Variants in MIIP observed in about 807,000 individuals in gnomAD.
MIIP encodes the protein migration and invasion inhibitory protein, also known as migration and invasion-inhibitory protein.
Under a neutral mutation model 44.8 loss-of-function variants are expected in MIIP, and 44 were observed. That is an observed-to-expected ratio of 0.98 (90% CI 0.77 to 1.26). The LOEUF is 1.26. Ranked by LOEUF, MIIP falls within the 50% of genes most tolerant of loss-of-function variation. The pLI, the probability that MIIP is intolerant of heterozygous loss-of-function variation, is 0.00. For synonymous variants in MIIP, 225 were observed against 218.3 expected, an observed-to-expected ratio of 1.03 and a Z score of -0.27; for missense variants, 496 against 511.7, an observed-to-expected ratio of 0.97 and a Z score of 0.30.
intron 3 of MIIP, 59 bp downstream of exon 3, chr1:12,022,501 C>T: frequency 7.4e-7 from 1 of 1,348,534 alleles, no homozygotes; most frequent in Non-Finnish European, 1.0e-6. Context: ...CCTCAGTTTC[C>T]CTATCTGACA....
intron 6 of MIIP, 92 bp downstream of exon 6, chr1:12,029,373 G>C: frequency 1.4e-6 from 2 of 1,394,892 alleles, no homozygotes; most frequent in Non-Finnish European, 2.0e-6. Flanking sequence ...TTGAGGTTTG[G>C]GGCCTGGGGA....
At chr1:12,022,772 C>G in intron 3 of MIIP, 61 bp from the exon 4 acceptor site, 1 of 1,305,348 alleles carries the variant, frequency 7.7e-7, no homozygotes, top group Non-Finnish European at 1.1e-6. Flanking sequence ...CCTCGAATTG[C>G]GGCTTCCTCT....
At chr1:12,031,583 C>T (rs1261071770) in intron 9 of MIIP, 139 bp from the exon 10 acceptor site, 9 of 1,604,566 alleles carry the variant, frequency 5.6e-6, no homozygotes, top group Non-Finnish European at 7.7e-6. Context: ...CCTCGGAACT[C>T]CTCTGCTCCC....
chr1:12,026,042 C>T (rs1022086374), intron 4 of MIIP, among the ~76,000 whole-genome samples: 2 of 151,748 alleles, frequency 1.3e-5, no homozygotes, highest in Admixed American at 1.3e-4. Context: ...TGGTGGCTCA[C>T]GCCTGTAATC....
At chr1:12,022,518 C>A in intron 3 of MIIP, 76 bp downstream of exon 3, 2 of 1,246,246 alleles carry the variant, frequency 1.6e-6, no homozygotes, top group Non-Finnish European at 2.2e-6. Context: ...GACACATGTG[C>A]TTGTGGGTAG....
rs143962307 is a variant in MIIP at position 12,022,233 on chromosome 1, C to T, written c.253C>T (p.Arg85Cys). The change falls in exon 3 of 10, where the codon CGT (arginine) becomes TGT (cysteine). Residue 85 changes from arginine (R) to cysteine (C), a missense_variant. By Grantham distance (180) the Arg-to-Cys change is radical. Transcript: ENST00000235332. ...GPPDACRGDL[R>C]DVARSGVASL... is the part of the protein sequence containing the mutation. ...ACCAGATGCCTGTCGAGGGGACCTC[C>T]GTGATGTGGCCAGATCGGGGGTGGC... 7.8e-5 allele frequency: 126 copies of T among 1,613,134 alleles called. No individual in the cohort carries two copies. The highest frequency in any genetic ancestry group is 4.9e-4 in the East Asian group (22 of 44,874).
Position 12,031,943 on chromosome 1 carries a change from C to G in MIIP, c.*135C>G. ...CCTAGGTTGGGCAGGTGGGTGGACC[C>G]AAGCTTGTCTGCTGCCTGAGTTCCA... On this transcript the variant is annotated 3_prime_UTR_variant, in exon 10 of 10. Transcript: ENST00000235332. 1.2e-6 allele frequency: 1 copy of G among 810,392 alleles called. No homozygotes were observed. Among genetic ancestry groups the G allele is most frequent in the Non-Finnish European group, 2.0e-6 (1 of 511,672 alleles). The allele number at this position is 810,392 out of a possible 1,614,324, so 50.2% of individuals were successfully genotyped here.
rs541318848 is a variant in MIIP at position 12,031,490 on chromosome 1, G to A, written c.1080+87G>A. The A allele has an allele frequency of 3.2e-5, 50 of 1,566,308 alleles. No individual in the cohort carries two copies. In the East Asian group the frequency reaches 9.5e-4, roughly 30 times the overall value. ...GGCCTGGGGACTGCAGAGCCTCCTG[G>A]GGGGTAGGATTGAGGTGGGGAGGAT... On this transcript the variant is annotated intron_variant, in intron 9 of 9. Transcript: ENST00000235332.
chr1:12,030,657 C>A (rs1452552972), intron 8 of MIIP, among the ~76,000 whole-genome samples: 1 of 141,098 alleles, frequency 7.1e-6, no homozygotes, highest in African/African-American at 2.7e-5. Flanking sequence ...CCACTGTAGT[C>A]CCAGCTACTT....
chr1:12,021,643 A>G lies in MIIP; in HGVS notation c.-82-2A>G. On this transcript the variant is annotated splice_acceptor_variant, in intron 1 of 9. Transcript: ENST00000235332. LOFTEE classifies it low-confidence loss of function (5UTR_SPLICE). The stretch of plus-strand genomic sequence containing the variant: ...CCCCGTGTCCTGCTGTCTTGACTTC[A>G]GGTAGAAGAGCTGGGCCTGGAACCC... 1 of 1,220,872 alleles carries G rather than the reference A, an allele frequency of 8.2e-7. No homozygotes were observed. Among genetic ancestry groups the G allele is most frequent in the Non-Finnish European group, 1.2e-6 (1 of 849,086 alleles). The allele number at this position is 1,220,872 out of a possible 1,614,324, so 75.6% of individuals were successfully genotyped here. A position where few individuals can be genotyped will look rare whatever the true frequency, so the allele number is the denominator to read the frequency against.
chr1:12,025,412 A>G (rs1205672256), intron 4 of MIIP, among the ~76,000 whole-genome samples: 1 of 151,830 alleles, frequency 6.6e-6, no homozygotes, highest in Non-Finnish European at 1.5e-5. Flanking sequence ...TGTAGATGCC[A>G]CATGTTGTTT....
At chr1:12,025,511 A>G (rs1202518563) in intron 4 of MIIP, among the ~76,000 whole-genome samples, 1 of 152,138 alleles carries the variant, frequency 6.6e-6, no homozygotes, top group African/African-American at 2.4e-5. Flanking sequence ...GTGCACTGTC[A>G]CTTTTGACAT....
intron 4 of MIIP, 142 bp downstream of exon 4, chr1:12,023,059 CTTTTTTTTTTTTT>C: frequency 2.8e-6 from 1 of 352,962 alleles, no homozygotes; most frequent in Non-Finnish European, 5.1e-6. Flanking sequence ...GGAGCACCCT[CTTTTTTTTTTTTT>C]TTTTTTTTTG....
At chr1:12,029,338 C>T (rs1211138215) in intron 6 of MIIP, 57 bp downstream of exon 6, 4 of 1,541,214 alleles carry the variant, frequency 2.6e-6, no homozygotes, top group Admixed American at 1.8e-5. Context: ...CTGCCCTGGC[C>T]TCCCCTGCCC....
rs777047147 is a variant in MIIP, at chr1:12,029,113, A to C, written c.628A>C (p.Lys210Gln). 1 of 1,613,924 alleles carries C rather than the reference A, an allele frequency of 6.2e-7. No homozygotes were observed. The highest frequency in any genetic ancestry group is 8.5e-7 in the Non-Finnish European group (1 of 1,179,826). The stretch of plus-strand genomic sequence containing the variant: ...GCTGCAGGAGTTTCGGGAAACCAAC[A>C]AGGAGGAGTGTATCTGCAGCCATCC... Reference protein sequence around the residue: ...SKLQEFRETNKEECICSHPEP... With the variant: ...SKLQEFRETNQEECICSHPEP... Residue 210 changes from lysine to glutamine, a missense_variant, in exon 5 of 10, where the codon AAG becomes CAG. Coordinates refer to ENST00000235332, the MANE Select transcript of MIIP (RefSeq NM_021933.4).
In MIIP at chr1:12,029,210, C is replaced by G. The variant is rs755870926; in HGVS notation, c.657-13C>G. The G allele has an allele frequency of 1.1e-5, 17 of 1,613,538 alleles. No individual in the cohort carries two copies. Among genetic ancestry groups the G allele is most frequent in the East Asian group, 2.2e-5 (1 of 44,890 alleles). ...TCCATCCCCCGGCCTGCTCATCCCC[C>G]TCGCCCTCTCAGACCCCAGTTGCCA... On this transcript the variant is annotated splice_polypyrimidine_tract_variant and intron_variant, in intron 5 of 9. Transcript: ENST00000235332.
rs550303776 is a variant in MIIP at position 12,031,203 on chromosome 1, G to T, written c.943-63G>T. The T allele has an allele frequency of 7.1e-6, 11 of 1,552,938 alleles. No individual in the cohort carries two copies. The African/African-American group carries it at 1.2e-4, about 17-fold the overall frequency. On this transcript the variant is annotated intron_variant, in intron 8 of 9. Coordinates refer to ENST00000235332, the MANE Select transcript of MIIP (RefSeq NM_021933.4). Reference sequence around the variant, plus strand: ...GGGGCACAGTTCCTCCCTGATGGGGGTGTGCCCAGTCAGCGGGGAGCTTGT... The same window carrying T: ...GGGGCACAGTTCCTCCCTGATGGGGTTGTGCCCAGTCAGCGGGGAGCTTGT...
chr1:12,021,549 C>A, intron 1 of MIIP, 96 bp from the exon 2 acceptor site: 1 of 592,298 alleles, frequency 1.7e-6, no homozygotes, highest in Non-Finnish European at 3.0e-6. Flanking sequence ...AGTTAAATAA[C>A]TTGCCTGAGG....
chr1:12,020,295 T>C (rs891137697), intron 1 of MIIP, among the ~76,000 whole-genome samples: 1 of 152,124 alleles, frequency 6.6e-6, no homozygotes, highest in East Asian at 1.9e-4. Context: ...GGAGGAAGAA[T>C]CCCTTTTGAA....
Sources: allele counts gnomAD v4.1 joint callset (sites outside exome capture counted in the v4.1 genomes callset), GRCh38; gene constraint gnomAD v4.1.1; transcripts MANE v1.5; gene names NCBI Gene and HGNC (gene_info 2026-07-23, HGNC 2026-07-21).